The following PPFIBP1 variants were observed in gnomAD, a reference collection of about 807,000 sequenced individuals.
The protein encoded by PPFIBP1 is liprin-beta-1.
Under a neutral mutation model 137.8 loss-of-function variants are expected in PPFIBP1, and 112 were observed. The ratio of observed to expected loss-of-function variants is 0.81; its 90% CI spans 0.70 to 0.95. The LOEUF (loss-of-function observed/expected upper bound fraction) is 0.95. PPFIBP1 is among the 40% of genes least tolerant of loss of function. The pLI, the probability that PPFIBP1 is intolerant of heterozygous loss-of-function variation, is 0.00. For missense variants in PPFIBP1, 1,083 were observed against 1,196.6 expected (o/e 0.91, Z 1.40); for synonymous variants, 378 against 417.3 (o/e 0.91, Z 1.15).
intron 5 of PPFIBP1, among the ~76,000 whole-genome samples, chr12:27,647,083 C>T (rs1251904846): frequency 6.6e-6 from 1 of 152,322 alleles, no homozygotes; most frequent in Admixed American, 6.5e-5. Context: ...CTCACTGCAA[C>T]CTCCACCTCC....
chr12:27,691,872 A>G lies in PPFIBP1; in HGVS notation c.2809A>G (p.Lys937Glu). ...AGGAAGTGCATCTAAGAAAGGATTT[A>G]AACCTGGTTTGGATATGCGCCTGTA... Reference protein sequence around the residue: ...ASGSASKKGFKPGLDMRLYEE... With the variant: ...ASGSASKKGFEPGLDMRLYEE... Residue 937 changes from lysine to glutamate, a missense_variant, in exon 28 of 30, where the codon AAA (lysine) becomes GAA (glutamate). Coordinates refer to ENST00000228425, the MANE Select transcript of PPFIBP1 (RefSeq NM_003622.4). 1 of 1,614,106 alleles carries G rather than the reference A, an allele frequency of 6.2e-7. No homozygotes were observed. Among genetic ancestry groups the G allele is most frequent in the Non-Finnish European group, 8.5e-7 (1 of 1,179,974 alleles).
chr12:27,565,132 G>A (rs1338288940), intron 1 of PPFIBP1, among the ~76,000 whole-genome samples: 1 of 152,186 alleles, frequency 6.6e-6, no homozygotes, highest in Non-Finnish European at 1.5e-5. Context: ...CTCTAAGGAT[G>A]ACATCACTAC....
In PPFIBP1 at chr12:27,678,856, CAAAAAAAAAAAAA is replaced by C. The variant is rs60834907; in HGVS notation, c.1616-620_1616-608del. Among the ~76,000 whole-genome samples, 98 of 98,972 alleles carry C rather than the reference CAAAAAAAAAAAAA, an allele frequency of 9.9e-4. 2 individuals are homozygous for C. Among genetic ancestry groups the C allele is most frequent in the African/African-American group, 3.9e-3 (93 of 23,666 alleles). The allele number at this position is 98,972 out of a possible 152,430, so 64.9% of individuals were successfully genotyped here. A position where few individuals can be genotyped will look rare whatever the true frequency, so the allele number is the denominator to read the frequency against. On this transcript the variant is annotated intron_variant, in intron 19 of 29. Coordinates refer to ENST00000228425, the MANE Select transcript of PPFIBP1 (RefSeq NM_003622.4). ...TGGGAAACAGAGTGAGACTCTGTCT[CAAAAAAAAAAAAA>C]AAAAAAAAAAAACATTTAAGAGAGA...
At chr12:27,684,471 T>C (rs948550275) in intron 24 of PPFIBP1, among the ~76,000 whole-genome samples, 7 of 152,188 alleles carry the variant, frequency 4.6e-5, no homozygotes, top group Admixed American at 4.6e-4. Flanking sequence ...ACCCTAAGTA[T>C]AATCTTTTTC....
intron 17 of PPFIBP1, among the ~76,000 whole-genome samples, chr12:27,675,649 C>T (rs1279142617): frequency 1.3e-5 from 2 of 152,184 alleles, no homozygotes; most frequent in Non-Finnish European, 2.9e-5. Context: ...AATTGGACTT[C>T]ACCTGTCACC....
At chr12:27,671,409 A>AT (rs766068178) in intron 13 of PPFIBP1, 22 bp from the exon 14 acceptor site, 15 of 1,353,480 alleles carry the variant, frequency 1.1e-5, no homozygotes, top group Non-Finnish European at 1.4e-5. Flanking sequence ...TGATTGATTG[A>AT]TTTTTTGTAA....
intron 2 of PPFIBP1, chr12:27,593,797 G>A: frequency 9.5e-7 from 1 of 1,050,736 alleles, no homozygotes; most frequent in Non-Finnish European, 1.3e-6. Flanking sequence ...TTGCAAAACT[G>A]TCTGGTTCGT....
chr12:27,597,660 G>A (rs2053475330), intron 2 of PPFIBP1, among the ~76,000 whole-genome samples: 1 of 152,120 alleles, frequency 6.6e-6, no homozygotes, highest in Non-Finnish European at 1.5e-5. Context: ...TGGAAATGGA[G>A]CACTTTGAAC....
intron 3 of PPFIBP1, among the ~76,000 whole-genome samples, chr12:27,634,130 C>A (rs1443894056): frequency 6.7e-6 from 1 of 150,146 alleles, no homozygotes; most frequent in South Asian, 2.1e-4. Context: ...CCACCGTACC[C>A]GGCCATATCT....
chr12:27,558,579 GC>G (rs138552531), intron 1 of PPFIBP1, among the ~76,000 whole-genome samples: 48,909 of 123,096 alleles, frequency 0.4, 8,076 homozygotes, highest in Middle Eastern at 0.5. Context: ...CTTCCTTCCT[GC>G]CCCCACCTCT....
chr12:27,685,336 C>T (rs2061141932), intron 24 of PPFIBP1, among the ~76,000 whole-genome samples: 1 of 151,692 alleles, frequency 6.6e-6, no homozygotes, highest in Non-Finnish European at 1.5e-5. Flanking sequence ...CTATTATTAT[C>T]CCTACTTTTT....
At chr12:27,669,091 C>A (rs2060030078) in intron 13 of PPFIBP1, among the ~76,000 whole-genome samples, 1 of 152,128 alleles carries the variant, frequency 6.6e-6, no homozygotes, top group Non-Finnish European at 1.5e-5. Context: ...TTTCTCTTCT[C>A]ACATTTTACT....
chr12:27,695,401 T>C lies in PPFIBP1; in HGVS notation c.*2519T>C, dbSNP rs1292366042. On this transcript the variant is annotated 3_prime_UTR_variant, in exon 30 of 30. Coordinates refer to ENST00000228425, the MANE Select transcript of PPFIBP1 (RefSeq NM_003622.4). ...TCCCAAAGTGCTGGGATTACAGGCG[T>C]GAGCCACCATGCCCGGCCCAAATAT... The C allele has an allele frequency of 6.6e-6, 1 of 152,226 alleles. No homozygotes were observed. Among genetic ancestry groups the C allele is most frequent in the Non-Finnish European group, 1.5e-5 (1 of 68,080 alleles). The allele number at this position is 152,226 out of a possible 1,614,324, so 9.4% of individuals were successfully genotyped here.
chr12:27,542,046 T>A (rs1030016061), intron 1 of PPFIBP1, among the ~76,000 whole-genome samples: 1 of 152,094 alleles, frequency 6.6e-6, no homozygotes, highest in African/African-American at 2.4e-5. Flanking sequence ...GGTTTTCTCA[T>A]CTGTGAAATG....
intron 5 of PPFIBP1, 111 bp downstream of exon 5, chr12:27,646,259 G>A: frequency 1.2e-6 from 1 of 809,412 alleles, no homozygotes; most frequent in Non-Finnish European, 2.1e-6. Context: ...ATAGAAATAA[G>A]CCTGATAAGC....
chr12:27,690,655 C>A (rs890290370), intron 27 of PPFIBP1, among the ~76,000 whole-genome samples: 1 of 152,196 alleles, frequency 6.6e-6, no homozygotes, highest in Admixed American at 6.5e-5. Context: ...CTTCCATAAT[C>A]CATGTATTGG....
At chr12:27,604,689 G>A (rs1199914003) in intron 2 of PPFIBP1, among the ~76,000 whole-genome samples, 2 of 152,196 alleles carry the variant, frequency 1.3e-5, no homozygotes. Context: ...TGCACACAAT[G>A]GTCTCCATTC....
rs927667756 is a variant in PPFIBP1 at position 27,679,862 on chromosome 12, A to G, written c.1767-71A>G. The G allele has an allele frequency of 3.2e-6, 5 of 1,573,964 alleles. No individual in the cohort carries two copies. In the African/African-American group the frequency reaches 6.8e-5, roughly 21 times the overall value. On this transcript the variant is annotated intron_variant, in intron 20 of 29. Coordinates refer to ENST00000228425, the MANE Select transcript of PPFIBP1 (RefSeq NM_003622.4). ...ATTAGTTCCAGTAGGTGCACTAGTTAAAAATGTTCTGATTAACAAGTCTAA... is the reference window on the plus strand; with the variant it reads ...ATTAGTTCCAGTAGGTGCACTAGTTGAAAATGTTCTGATTAACAAGTCTAA...
At position 27,689,215 on chromosome 12, in the gene PPFIBP1, C is replaced by T. The variant is rs767080632; in HGVS notation, c.2685+12C>T. 1 of 1,528,944 alleles carries T rather than the reference C, an allele frequency of 6.5e-7. No individual in the cohort carries two copies. Among genetic ancestry groups the T allele is most frequent in the East Asian group, 2.3e-5 (1 of 42,764 alleles). 94.7% of individuals were successfully genotyped at this position (1,528,944 alleles called of 1,614,324 possible). A position where few individuals can be genotyped will look rare whatever the true frequency, so the allele number is the denominator to read the frequency against. ...CTGCCAAAGTGAAGGTTGGTTCAGG[C>T]TCATACGGTTTAATAATTGCTTGGC... On this transcript the variant is annotated intron_variant, in intron 27 of 29. Coordinates refer to ENST00000228425, the MANE Select transcript of PPFIBP1 (RefSeq NM_003622.4).
Sources: gnomAD v4.1 joint callset for allele counts (sites outside exome capture counted in the v4.1 genomes callset) on GRCh38, gnomAD v4.1.1 for gene constraint, MANE v1.5 for transcripts, NCBI Gene and HGNC (gene_info 2026-07-23, HGNC 2026-07-21) for gene names.